Variants in CYP4F12 observed in about 807,000 individuals in gnomAD.
The protein encoded by CYP4F12 is cytochrome P450 family 4 subfamily F member 12.
In CYP4F12, 60 loss-of-function variants were observed where a neutral mutation model predicts 56.5. The observed-to-expected ratio is 1.06, with a 90% CI of 0.86 to 1.32. CYP4F12 has a LOEUF of 1.32. Ranked by LOEUF, CYP4F12 falls within the 40% of genes most tolerant of loss-of-function variation. The probability of loss-of-function intolerance (pLI) is 0.00; values close to 1 mark genes in which losing one functional copy is unlikely to be tolerated. For missense variants in CYP4F12, 711 were observed against 683.5 expected (o/e 1.04, Z -0.45); for synonymous variants, 263 against 264.9 (o/e 0.99, Z 0.07).
At chr19:15,677,050 C>CTCTCCTCACTCACTCATTCCTCT (rs2006979021) in intron 2 of CYP4F12, among the ~76,000 whole-genome samples, 2 of 59,086 alleles carry the variant, frequency 3.4e-5, no homozygotes, top group African/African-American at 6.5e-5. Context: ...CTCATTCCTC[C>CTCTCCTCACTCACTCATTCCTCT]CCTCATTCAG....
chr19:15,688,556 G>A (rs677903), intron 9 of CYP4F12, among the ~76,000 whole-genome samples: 44,167 of 151,810 alleles, frequency 0.29, 7,108 homozygotes, highest in African/African-American at 0.42. Context: ...CAGATTTAAC[G>A]CAATGCCTAT....
chr19:15,674,641 T>A (rs1313107453), intron 2 of CYP4F12, among the ~76,000 whole-genome samples: 3 of 12,262 alleles, frequency 2.4e-4, no homozygotes, highest in African/African-American at 6.1e-4. Flanking sequence ...CCACTCACTT[T>A]TTGCTCTCCC....
intron 3 of CYP4F12, among the ~76,000 whole-genome samples, chr19:15,678,726 G>A (rs2144715764): frequency 6.6e-6 from 1 of 152,292 alleles, no homozygotes; most frequent in East Asian, 1.9e-4. Context: ...GTGTCTGCTG[G>A]GGCAGGCTGG....
intron 11 of CYP4F12, 41 bp downstream of exon 11, chr19:15,696,266 A>G: frequency 6.2e-7 from 1 of 1,612,174 alleles, no homozygotes; most frequent in Non-Finnish European, 8.5e-7. Context: ...CCCATCCTCT[A>G]CTTTTGTGTG....
intron 2 of CYP4F12, 35 bp from the exon 3 acceptor site, chr19:15,678,226 A>G: frequency 1.9e-6 from 3 of 1,613,484 alleles, no homozygotes; most frequent in African/African-American, 1.3e-5. Flanking sequence ...AAAATTAACC[A>G]TCACAGGAAG....
In CYP4F12 at chr19:15,673,544, C is replaced by A. The variant is rs1167277604; in HGVS notation, c.15C>A (p.Ser5Arg). 6.2e-7 allele frequency: 1 copy of A among 1,613,640 alleles called. No homozygotes were observed. Reference sequence around the variant, plus strand: ...TGCCCTGCAGGATGTCGCTGCTGAGCCTGCCCTGGCTGGGCCTCAGACCGG... The same window carrying A: ...TGCCCTGCAGGATGTCGCTGCTGAGACTGCCCTGGCTGGGCCTCAGACCGG... Reference protein sequence around the residue: MSLLSLPWLGLRPVA... With the variant: MSLLRLPWLGLRPVA... The change falls in exon 2 of 13, where the codon AGC (serine) becomes AGA (arginine). Residue 5 changes from serine (S) to arginine (R), a missense_variant. Coordinates refer to ENST00000550308, the MANE Select transcript of CYP4F12 (RefSeq NM_023944.4).
chr19:15,684,659 A>T, intron 7 of CYP4F12, 157 bp from the exon 8 acceptor site: 1 of 684,968 alleles, frequency 1.5e-6, no homozygotes, highest in Non-Finnish European at 2.4e-6. Flanking sequence ...GGTGAACAAG[A>T]GAGATCTAGA....
At chr19:15,682,330 T>C (rs2007345800) in intron 5 of CYP4F12, 59 bp from the exon 6 acceptor site, 3 of 1,598,212 alleles carry the variant, frequency 1.9e-6, no homozygotes, top group Non-Finnish European at 2.6e-6. Context: ...TGTTTGGGAC[T>C]GGGGAGGGGC....
chr19:15,689,909 C>G (rs1223681116), intron 9 of CYP4F12, among the ~76,000 whole-genome samples: 20 of 152,132 alleles, frequency 1.3e-4, no homozygotes. Flanking sequence ...TGTGAGGACA[C>G]AAATACATAC....
chr19:15,673,635 G>T lies in CYP4F12; in HGVS notation c.106G>T (p.Ala36Ser). Residue 36 changes from alanine (A) to serine (S), a missense_variant, in exon 2 of 13, where the codon GCT (alanine) becomes TCT (serine). Transcript: ENST00000550308. ...CTCCTGGCTACTCGCCCGCATCCTGGCTTGGACCTATGCCTTCTATAACAA... is the reference window on the plus strand; with the variant it reads ...CTCCTGGCTACTCGCCCGCATCCTGTCTTGGACCTATGCCTTCTATAACAA... ...VGSWLLARIL[A>S]WTYAFYNNCR... 1.2e-6 allele frequency: 2 copies of T among 1,614,156 alleles called. No homozygotes were observed. The highest frequency in any genetic ancestry group is 1.7e-6 in the Non-Finnish European group (2 of 1,180,016).
chr19:15,682,099 A>G (rs576292364), intron 5 of CYP4F12: 13 of 290,982 alleles, frequency 4.5e-5, no homozygotes, highest in Non-Finnish European at 8.1e-5. Context: ...CCGTTATTGA[A>G]TATTTGACAG....
At chr19:15,696,679 C>T (rs597621) in intron 12 of CYP4F12, among the ~76,000 whole-genome samples, 167 bp downstream of exon 12, 43,053 of 152,068 alleles carry the variant, frequency 0.28, 6,616 homozygotes, top group African/African-American at 0.4. Context: ...GAGGGGTCCG[C>T]GGAGTGCTCA....
Position 15,684,840 on chromosome 19 carries a change from G to T in CYP4F12, c.943G>T (p.Asp315Tyr). ...GGATGAAGATGGGAAGGCATTGTCA[G>T]ATGAGGATATAAGAGCAGAGGCTGA... ...SKDEDGKALS[D>Y]EDIRAEADTF... Residue 315 changes from aspartate to tyrosine, a missense_variant, in exon 8 of 13, where the codon GAT (aspartate) becomes TAT (tyrosine). Asp to Tyr is a radical substitution (Grantham distance 160). Coordinates refer to ENST00000550308, the MANE Select transcript of CYP4F12 (RefSeq NM_023944.4). The T allele has an allele frequency of 6.2e-7, 1 of 1,610,334 alleles. No homozygotes were observed. Among genetic ancestry groups the T allele is most frequent in the Non-Finnish European group, 8.5e-7 (1 of 1,178,490 alleles).
At chr19:15,677,558 T>A (rs376103969) in intron 2 of CYP4F12, among the ~76,000 whole-genome samples, 4,629 of 9,974 alleles carry the variant, frequency 0.46, 1,695 homozygotes, top group East Asian at 0.98. Context: ...CTCTCCTCAC[T>A]CACTCGTTCC....
chr19:15,696,089 G>C lies in CYP4F12; in HGVS notation c.1249+20G>C, dbSNP rs1157795847. ...CCAAAGGTGCCCACAGCCTCAGGGG[G>C]AGAAGCCTCCCGGGTAGGAAGATGG... is the stretch of plus-strand genomic sequence containing the variant. On this transcript the variant is annotated intron_variant, in intron 10 of 12. Transcript: ENST00000550308. The C allele has an allele frequency of 1.2e-6, 2 of 1,611,560 alleles. No individual in the cohort carries two copies. Among genetic ancestry groups the C allele is most frequent in the Non-Finnish European group, 1.7e-6 (2 of 1,178,456 alleles).
rs61729069 is a variant in CYP4F12, at chr19:15,696,960, T to C, written c.1450T>C (p.Leu484=). The C allele has an allele frequency of 3.1e-6, 5 of 1,614,182 alleles. No homozygotes were observed. Among genetic ancestry groups the C allele is most frequent in the Non-Finnish European group, 4.2e-6 (5 of 1,180,012 alleles). The change falls in exon 13 of 13, where the codon TTG becomes CTG. Residue 484 remains leucine (L), a synonymous_variant. Coordinates refer to ENST00000550308, the MANE Select transcript of CYP4F12 (RefSeq NM_023944.4). ...GGCGGAGATGAAAGTGGTCCTGGCG[T>C]TGATGCTGCTGCACTTCCGGTTCCT... is the stretch of plus-strand genomic sequence containing the variant. ...AMAEMKVVLA[L]MLLHFRFLPD... is the part of the protein sequence containing the mutation.
intron 5 of CYP4F12, chr19:15,682,147 A>T (rs1326501514): frequency 5.1e-6 from 2 of 395,470 alleles, no homozygotes; most frequent in Non-Finnish European, 9.4e-6. Context: ...GACCAAGGGC[A>T]CATAGAGCAT....
At chr19:15,683,267 A>G (rs998920388) in intron 6 of CYP4F12, among the ~76,000 whole-genome samples, 3 of 152,162 alleles carry the variant, frequency 2.0e-5, no homozygotes, top group African/African-American at 7.2e-5. Flanking sequence ...GCTATACTCT[A>G]GGTGCCTAGG....
intron 5 of CYP4F12, chr19:15,682,030 G>A (rs536395740): frequency 1.4e-4 from 30 of 208,648 alleles, no homozygotes; most frequent in Non-Finnish European, 2.2e-4. Flanking sequence ...AAGTGAGCTA[G>A]GACTGGTGGA....
Sources: gnomAD v4.1 joint callset for allele counts (sites outside exome capture counted in the v4.1 genomes callset) on GRCh38, gnomAD v4.1.1 for gene constraint, MANE v1.5 for transcripts, NCBI Gene and HGNC (gene_info 2026-07-23, HGNC 2026-07-21) for gene names.